The following KCNH5 variants were observed in gnomAD, a reference collection of about 807,000 sequenced individuals.
KCNH5 encodes the protein voltage-gated delayed rectifier potassium channel KCNH5.
In KCNH5, 46 loss-of-function variants were observed where a neutral mutation model predicts 96.1. The observed-to-expected ratio is 0.48, with a 90% confidence interval of 0.38 to 0.61. KCNH5 has a LOEUF of 0.61. KCNH5 is among the 20% of genes least tolerant of loss of function. The pLI is 0.00. For synonymous variants in KCNH5, 439 were observed against 449.8 expected (o/e 0.98, Z 0.30); for missense variants, 907 against 1,225.8 (o/e 0.74, Z 3.88).
Position 62,950,166 on chromosome 14 carries a change from T to G in KCNH5, c.1336A>C (p.Lys446Gln). 6.2e-7 allele frequency: 1 copy of G among 1,613,908 alleles called. No homozygotes were observed. The highest frequency in any genetic ancestry group is 8.5e-7 in the Non-Finnish European group (1 of 1,179,910). ...ATCATCATAGCCACCGAAAACATCTTCTCCACATCTGTGGTAGGAGCTATG... is the reference window on the plus strand; with the variant it reads ...ATCATCATAGCCACCGAAAACATCTGCTCCACATCTGTGGTAGGAGCTATG... ...GNIAPTTDVE[K>Q]MFSVAMMMVG... Residue 446 changes from lysine to glutamine, a missense_variant, in exon 7 of 11, where the codon AAG becomes CAG. By Grantham distance (53) the Lys-to-Gln change is moderately conservative. Around this residue, in one of 6 missense-constraint regions of KCNH5, gnomAD observed 370 missense variants for 561.3 expected, o/e 0.66. Transcript: ENST00000322893.
intron 1 of KCNH5, among the ~76,000 whole-genome samples, chr14:63,018,859 T>A (rs1891375859): frequency 6.6e-6 from 1 of 151,864 alleles, no homozygotes; most frequent in African/African-American, 2.4e-5. Context: ...AACCCTACAA[T>A]TACTATGGAA....
intron 7 of KCNH5, among the ~76,000 whole-genome samples, chr14:62,917,960 C>T (rs1163774043): frequency 6.6e-6 from 1 of 152,122 alleles, no homozygotes; most frequent in Non-Finnish European, 1.5e-5. Context: ...GAGGCAGGGG[C>T]CATTTAACCT....
At chr14:62,782,320 A>G (rs1284166534) in intron 9 of KCNH5, among the ~76,000 whole-genome samples, 1 of 152,206 alleles carries the variant, frequency 6.6e-6, no homozygotes, top group East Asian at 1.9e-4. Flanking sequence ...AAGAGAAAAC[A>G]TGCACATGAC....
intron 7 of KCNH5, among the ~76,000 whole-genome samples, chr14:62,909,109 G>A (rs11620824): frequency 0.52 from 67,453 of 130,436 alleles, 18,131 homozygotes; most frequent in South Asian, 0.66. Context: ...GCAGTGGCGG[G>A]ATCTCGGCTC....
intron 7 of KCNH5, among the ~76,000 whole-genome samples, chr14:62,869,528 T>C (rs1888207667): frequency 6.6e-6 from 1 of 152,196 alleles, no homozygotes; most frequent in South Asian, 2.1e-4. Context: ...CAGAAGCTCT[T>C]TTAAATAGAT....
intron 10 of KCNH5, among the ~76,000 whole-genome samples, chr14:62,779,179 G>C (rs2139974813): frequency 6.6e-6 from 1 of 152,330 alleles, no homozygotes; most frequent in South Asian, 2.1e-4. Context: ...CAAAATGGCA[G>C]TGAAGGTTAA....
At chr14:62,741,815 C>T (rs1013756921) in intron 10 of KCNH5, among the ~76,000 whole-genome samples, 1 of 152,044 alleles carries the variant, frequency 6.6e-6, no homozygotes, top group Non-Finnish European at 1.5e-5. Flanking sequence ...TAAATCTCTG[C>T]AAAGAAAGAA....
chr14:63,013,402 T>C lies in KCNH5; in HGVS notation c.197+3429A>G, dbSNP rs1891265404. 2.0e-5 allele frequency among the ~76,000 whole-genome samples: 3 copies of C among 152,240 alleles called. No homozygotes were observed. The South Asian group carries it at 6.2e-4, about 32-fold the overall frequency. On this transcript the variant is annotated intron_variant, in intron 2 of 10. Transcript: ENST00000322893. ...ATGAAGCTCACTGCTTTGTAGCTTC[T>C]TATTCTCTTATGTCTGTCTAAAAAC...
chr14:62,928,385 A>T (rs1294475317), intron 7 of KCNH5, among the ~76,000 whole-genome samples: 3 of 152,142 alleles, frequency 2.0e-5, no homozygotes, highest in Non-Finnish European at 2.9e-5. Flanking sequence ...TTACCAAAAG[A>T]TTATGACTGA....
chr14:62,759,231 A>G (rs1885692558), intron 10 of KCNH5, among the ~76,000 whole-genome samples: 1 of 102,238 alleles, frequency 9.8e-6, no homozygotes, highest in South Asian at 6.4e-4. Context: ...TTTCATCAAA[A>G]TTAGTCAGCT....
chr14:62,722,818 T>G (rs1014071128), intron 10 of KCNH5, among the ~76,000 whole-genome samples: 1 of 152,226 alleles, frequency 6.6e-6, no homozygotes, highest in Non-Finnish European at 1.5e-5. Context: ...CATTTGACAG[T>G]TGAGGCTCAG....
Position 62,705,658 on chromosome 14 carries a change from A to T in KCNH5, c.*1850T>A, listed in dbSNP as rs1387601744. On this transcript the variant is annotated 3_prime_UTR_variant, in exon 11 of 11. Coordinates refer to ENST00000322893, the MANE Select transcript of KCNH5 (RefSeq NM_139318.5). ...TTTGAGACTCCTAGATTAAAGAGGC[A>T]CATCTTGTGGGCATGTGAAGTTCAA... 1 of 152,058 alleles carries T rather than the reference A, an allele frequency of 6.6e-6. No individual in the cohort carries two copies. The highest frequency in any genetic ancestry group is 6.6e-5 in the Admixed American group (1 of 15,266). 9.4% of individuals were successfully genotyped at this position (152,058 alleles called of 1,614,324 possible). A position where few individuals can be genotyped will look rare whatever the true frequency, so the allele number is the denominator to read the frequency against.
chr14:63,003,866 C>G (rs1363679177), intron 3 of KCNH5, among the ~76,000 whole-genome samples: 1 of 151,388 alleles, frequency 6.6e-6, no homozygotes, highest in African/African-American at 2.4e-5. Context: ...GTGATCCGCC[C>G]GCCTCGGCCT....
At chr14:62,879,354 G>A (rs377384631) in intron 7 of KCNH5, among the ~76,000 whole-genome samples, 64 of 152,026 alleles carry the variant, frequency 4.2e-4, no homozygotes, top group Non-Finnish European at 6.5e-4. Flanking sequence ...CGTAATCTCC[G>A]TGATTATACT....
intron 3 of KCNH5, among the ~76,000 whole-genome samples, chr14:63,003,624 A>ATATATAAAATTTT (rs1491457497): frequency 3.8e-4 from 35 of 92,790 alleles, no homozygotes; most frequent in African/African-American, 1.6e-3. Context: ...ATATATATAT[A>ATATATAAAATTTT]TTTTTTTTTT....
intron 1 of KCNH5, among the ~76,000 whole-genome samples, chr14:63,037,572 G>A (rs1891746089): frequency 6.6e-6 from 1 of 152,056 alleles, no homozygotes. Context: ...AAATCATTGT[G>A]CTTTAATTTT....
At chr14:62,861,115 G>A (rs966621056) in intron 7 of KCNH5, among the ~76,000 whole-genome samples, 1 of 152,098 alleles carries the variant, frequency 6.6e-6, no homozygotes, top group African/African-American at 2.4e-5. Flanking sequence ...AAATCAGATA[G>A]GTCTGTGTTA....
intron 7 of KCNH5, among the ~76,000 whole-genome samples, chr14:62,864,703 C>T (rs1459223680): frequency 2.6e-5 from 4 of 152,072 alleles, no homozygotes; most frequent in Non-Finnish European, 4.4e-5. Context: ...TTAATTCTTC[C>T]TCTTGGAGAG....
chr14:62,814,782 C>CAGA (rs1886941922), intron 8 of KCNH5, among the ~76,000 whole-genome samples: 1 of 33,750 alleles, frequency 3.0e-5, no homozygotes, highest in Non-Finnish European at 4.7e-5. Flanking sequence ...GACTCCATCT[C>CAGA]AAAAAAAAAA....
Sources: allele counts gnomAD v4.1 joint callset (sites outside exome capture counted in the v4.1 genomes callset), GRCh38; gene constraint gnomAD v4.1.1; regional missense constraint gnomAD v4.1.1; transcripts MANE v1.5; gene names NCBI Gene and HGNC (gene_info 2026-07-23, HGNC 2026-07-21).